The following NR5A2 variants were observed in gnomAD, a reference collection of about 807,000 sequenced individuals.
The protein encoded by NR5A2 is nuclear receptor subfamily 5 group A member 2, also known as CYP7A promoter-binding factor.
A neutral mutation model predicts 62.7 loss-of-function variants in NR5A2; 26 were observed. The ratio of observed to expected loss-of-function variants is 0.41; its 90% CI spans 0.30 to 0.58. NR5A2 has a LOEUF of 0.58. Ranked by LOEUF, NR5A2 falls within the 20% of genes least tolerant of loss-of-function variation. NR5A2 has a pLI of 0.22. For missense variants in NR5A2, 541 were observed against 669.1 expected (o/e 0.81, Z 2.11); for synonymous variants, 246 against 241.7 (o/e 1.02, Z -0.16).
At chr1:200,028,000 T>G in intron 1 of NR5A2, 89 bp downstream of exon 1, 1 of 838,510 alleles carries the variant, frequency 1.2e-6, no homozygotes, top group Middle Eastern at 2.7e-4. Context: ...GCATTTTAAG[T>G]CATGGCTTTT....
chr1:200,173,863 C>G (rs1391374427), intron 7 of NR5A2, 100 bp from the exon 8 acceptor site: 3 of 1,243,844 alleles, frequency 2.4e-6, no homozygotes, highest in Non-Finnish European at 3.2e-6. Flanking sequence ...ATGTTTATGT[C>G]AAAAGGAAAA....
At chr1:200,103,481 AG>A (rs1404453240) in intron 5 of NR5A2, among the ~76,000 whole-genome samples, 1 of 152,174 alleles carries the variant, frequency 6.6e-6, no homozygotes, top group African/African-American at 2.4e-5. Context: ...CAATAGTGGT[AG>A]TAGAAGTAAC....
intron 5 of NR5A2, among the ~76,000 whole-genome samples, chr1:200,055,983 A>G (rs534895842): frequency 9.8e-5 from 15 of 152,340 alleles, no homozygotes; most frequent in African/African-American, 3.6e-4. Flanking sequence ...TGTTGGAATC[A>G]GCAGGTTTGA....
chr1:200,041,541 G>A (rs2102149941), intron 2 of NR5A2, among the ~76,000 whole-genome samples: 1 of 152,272 alleles, frequency 6.6e-6, no homozygotes, highest in Non-Finnish European at 1.5e-5. Context: ...ACATGGTCCC[G>A]GGACAGAGCA....
Position 200,048,827 on chromosome 1 carries a change from C to T in NR5A2, c.1110+9C>T. 1 of 1,611,828 alleles carries T rather than the reference C, an allele frequency of 6.2e-7. No homozygotes were observed. The highest frequency in any genetic ancestry group is 1.1e-5 in the South Asian group (1 of 91,062). Reference sequence around the variant, plus strand: ...TCTTCAGAGAACTTAAGGTATGCCACCAGCTATTACAACTTACAGCACCCC... The same window carrying T: ...TCTTCAGAGAACTTAAGGTATGCCATCAGCTATTACAACTTACAGCACCCC... On this transcript the variant is annotated intron_variant, in intron 5 of 7. Transcript: ENST00000367362. The surrounding 1 kb of genome is among the most constrained non-coding windows in gnomAD (Gnocchi z 4.8).
intron 5 of NR5A2, among the ~76,000 whole-genome samples, chr1:200,109,954 AG>A (rs1251897316): frequency 6.6e-6 from 1 of 152,116 alleles, no homozygotes; most frequent in East Asian, 1.9e-4. Context: ...TAGTAGAGAC[AG>A]GGTTTCACCA....
At chr1:200,062,674 C>T (rs1419106549) in intron 5 of NR5A2, among the ~76,000 whole-genome samples, 1 of 152,138 alleles carries the variant, frequency 6.6e-6, no homozygotes, top group African/African-American at 2.4e-5. Context: ...TTTCCTTGTA[C>T]AGTTATCAAA....
chr1:200,063,028 GTT>G (rs760447996), intron 5 of NR5A2, among the ~76,000 whole-genome samples: 1 of 142,576 alleles, frequency 7.0e-6, no homozygotes. Context: ...ACTTTGGCGT[GTT>G]TTTTTTTTTT....
chr1:200,119,315 C>T (rs969683156), intron 6 of NR5A2, among the ~76,000 whole-genome samples: 5 of 152,168 alleles, frequency 3.3e-5, no homozygotes, highest in Non-Finnish European at 7.4e-5. Context: ...CAAGTGCAGT[C>T]AATTATGGTA....
chr1:200,094,601 C>T lies in NR5A2; in HGVS notation c.1111-16601C>T, dbSNP rs566226504. 2.4e-5 allele frequency among the ~76,000 whole-genome samples: 3 copies of T among 127,574 alleles called. No homozygotes were observed. The South Asian group carries it at 7.7e-4, about 33-fold the overall frequency. 83.7% of individuals were successfully genotyped at this position (127,574 alleles called of 152,430 possible). A position where few individuals can be genotyped will look rare whatever the true frequency, so the allele number is the denominator to read the frequency against. ...AGGCTGGAGTGCAGTGGTTCGATCT[C>T]GGCTCACTGCAAGCTCTGCCTCCTG... On this transcript the variant is annotated intron_variant, in intron 5 of 7. Coordinates refer to ENST00000367362, the MANE Select transcript of NR5A2 (RefSeq NM_205860.3).
At position 200,111,259 on chromosome 1, in the gene NR5A2, C is replaced by T; in HGVS notation, c.1168C>T (p.His390Tyr). 6.2e-7 allele frequency: 1 copy of T among 1,612,022 alleles called. No homozygotes were observed. Among genetic ancestry groups the T allele is most frequent in the African/African-American group, 1.3e-5 (1 of 74,212 alleles). The change falls in exon 6 of 8, where the codon CAC becomes TAC. Residue 390 changes from histidine to tyrosine, a missense_variant. Coordinates refer to ENST00000367362, the MANE Select transcript of NR5A2 (RefSeq NM_205860.3). ...NCWSELLILD[H>Y]IYRQVVHGKE... ...CTGGAGTGAGCTCTTAATCCTCGAC[C>T]ACATTTACCGACAAGTGGTACATGG...
At chr1:200,070,149 G>C (rs1374683179) in intron 5 of NR5A2, among the ~76,000 whole-genome samples, 1 of 152,068 alleles carries the variant, frequency 6.6e-6, no homozygotes. Flanking sequence ...GTTGGTTTTA[G>C]GTAATTTTTC....
chr1:200,038,702 T>C, intron 1 of NR5A2: 1 of 1,366,136 alleles, frequency 7.3e-7, no homozygotes, highest in Non-Finnish European at 9.8e-7. Context: ...TCCCCTCAGA[T>C]CGAGGAAATT....
rs373033375 is a variant in NR5A2, at chr1:200,106,061, C to CCTCTGTTTT, written c.1111-5141_1111-5140insCTCTGTTTT. 5.7e-3 allele frequency among the ~76,000 whole-genome samples: 658 copies of CCTCTGTTTT among 114,924 alleles called. 34 individuals carry two copies. Among genetic ancestry groups the CCTCTGTTTT allele is most frequent in the East Asian group, 0.012 (52 of 4,514 alleles). The allele number at this position is 114,924 out of a possible 152,430, so 75.4% of individuals were successfully genotyped here. A position where few individuals can be genotyped will look rare whatever the true frequency, so the allele number is the denominator to read the frequency against. The stretch of plus-strand genomic sequence containing the variant: ...CTTCTAATTGTTGGCCAGATTCACT[C>CCTCTGTTTT]TTCTTTTTTTTTTTGAGACAGAGTC... On this transcript the variant is annotated intron_variant, in intron 5 of 7. Coordinates refer to ENST00000367362, the MANE Select transcript of NR5A2 (RefSeq NM_205860.3).
chr1:200,167,612 C>G (rs1364968906), intron 7 of NR5A2, among the ~76,000 whole-genome samples: 1 of 152,196 alleles, frequency 6.6e-6, no homozygotes, highest in Admixed American at 6.5e-5. Flanking sequence ...TTTCCTAAAA[C>G]CATTCAGTGT....
At chr1:200,143,984 T>A (rs762087732) in intron 7 of NR5A2, among the ~76,000 whole-genome samples, 1 of 152,160 alleles carries the variant, frequency 6.6e-6, no homozygotes, top group Non-Finnish European at 1.5e-5. Context: ...ATTTCTGCTC[T>A]GTTTGTGACA....
At chr1:200,081,053 A>C (rs1664269998) in intron 5 of NR5A2, among the ~76,000 whole-genome samples, 1 of 152,252 alleles carries the variant, frequency 6.6e-6, no homozygotes, top group Non-Finnish European at 1.5e-5. Context: ...TAACTTTCTT[A>C]GAGGAAAGAT....
intron 5 of NR5A2, among the ~76,000 whole-genome samples, chr1:200,069,290 T>C (rs1244113752): frequency 1.1e-4 from 17 of 152,166 alleles, no homozygotes; most frequent in Admixed American, 1.1e-3. Context: ...GATGGAGTTT[T>C]GCTCTTGTCA....
At position 200,094,072 on chromosome 1, in the gene NR5A2, G is replaced by A. The variant is rs891084957; in HGVS notation, c.1111-17130G>A. Among the ~76,000 whole-genome samples the A allele has an allele frequency of 3.9e-5, 6 of 152,228 alleles. No homozygotes were observed. The East Asian group carries it at 1.2e-3, about 30-fold the overall frequency. ...TAGTCCCAGCTACTCAGGAGGCCGA[G>A]GCAGGAGAATCACTTGAACCCGGGA... On this transcript the variant is annotated intron_variant, in intron 5 of 7. Coordinates refer to ENST00000367362, the MANE Select transcript of NR5A2 (RefSeq NM_205860.3).
Sources: gnomAD v4.1 joint callset for allele counts (sites outside exome capture counted in the v4.1 genomes callset) on GRCh38, gnomAD v4.1.1 for gene constraint, Gnocchi (gnomAD v3.1) non-coding constraint, MANE v1.5 for transcripts, NCBI Gene and HGNC (gene_info 2026-07-23, HGNC 2026-07-21) for gene names.